Variants in TNRC18 observed in about 807,000 individuals in gnomAD.
TNRC18 encodes the protein trinucleotide repeat containing 18, also known as trinucleotide repeat-containing gene 18 protein.
TNRC18 carries 69 observed loss-of-function variants against 226.7 expected under a neutral mutation model. That is an observed-to-expected ratio of 0.30 (90% CI 0.25 to 0.37). The LOEUF (loss-of-function observed/expected upper bound fraction) is 0.37, where lower values mean the gene tolerates loss of function less well. Ranked by LOEUF, TNRC18 falls within the 10% of genes least tolerant of loss-of-function variation. The pLI is 1.00. For synonymous variants in TNRC18, 2,449 were observed against 1,927.6 expected, an observed-to-expected ratio of 1.27 and a Z score of -7.09; for missense variants, 4,754 against 4,256.6, an observed-to-expected ratio of 1.12 and a Z score of -3.25.
intron 2 of TNRC18, among the ~76,000 whole-genome samples, chr7:5,418,857 G>A (rs1782355857): frequency 6.6e-6 from 1 of 152,202 alleles, no homozygotes; most frequent in African/African-American, 2.4e-5. Context: ...CCACCTCGTG[G>A]CTAATGGGAT....
intron 18 of TNRC18, among the ~76,000 whole-genome samples, chr7:5,334,803 T>C (rs1242012118): frequency 6.6e-6 from 1 of 151,988 alleles, no homozygotes; most frequent in African/African-American, 2.4e-5. Context: ...GGAGGGACAG[T>C]AGACAGAGAG....
chr7:5,336,213 A>G (rs1790108294), intron 18 of TNRC18, among the ~76,000 whole-genome samples: 1 of 151,694 alleles, frequency 6.6e-6, no homozygotes, highest in African/African-American at 2.4e-5. Flanking sequence ...TTTTAAAAAA[A>G]AAAAAAAAAA....
intron 18 of TNRC18, among the ~76,000 whole-genome samples, chr7:5,338,702 C>T (rs1472084215): frequency 9.9e-5 from 15 of 151,206 alleles, no homozygotes; most frequent in African/African-American, 3.4e-4. Flanking sequence ...AGGCAGATCA[C>T]GTGAGGTCGG....
Position 5,332,650 on chromosome 7 carries a change from C to A in TNRC18, c.6119G>T (p.Arg2040Leu), listed in dbSNP as rs1480677882. ...CCTGGGGTCCTTCCTGTCCTTTGCA[C>A]GCCCGGCGTCCTTGCGCGGGCTCAG... ...GPLSPRKDAG[R>L]AKDRKDPRKK... Residue 2040 changes from arginine to leucine, a missense_variant, in exon 19 of 30, where the codon CGT (arginine) becomes CTT (leucine). By Grantham distance (102) the Arg-to-Leu change is moderately radical. Transcript: ENST00000430969. 5 of 1,530,808 alleles carry A rather than the reference C, an allele frequency of 3.3e-6. No homozygotes were observed. Among genetic ancestry groups the A allele is most frequent in the Non-Finnish European group, 3.5e-6 (4 of 1,141,118 alleles). The allele number at this position is 1,530,808 out of a possible 1,614,324, so 94.8% of individuals were successfully genotyped here.
chr7:5,324,434 C>G lies in TNRC18; in HGVS notation c.6301-79G>C. On this transcript the variant is annotated intron_variant, in intron 20 of 29. Coordinates refer to ENST00000430969, the MANE Select transcript of TNRC18 (RefSeq NM_001080495.3). The surrounding 1 kb of genome is among the most constrained non-coding windows in gnomAD (Gnocchi z 4.8). ...CGGGTTGGGGACCCTCTCTGGAAAC[C>G]TGGAGCCACAGTCAGGCCGCAGGGG... The G allele has an allele frequency of 2.6e-6, 4 of 1,561,028 alleles. No homozygotes were observed. The highest frequency in any genetic ancestry group is 2.3e-5 in the South Asian group (2 of 86,982).
Position 5,307,275 on chromosome 7 carries a change from TTA to T in TNRC18, c.*829_*830del, listed in dbSNP as rs1439767933. On this transcript the variant is annotated 3_prime_UTR_variant, in exon 30 of 30. Coordinates refer to ENST00000430969, the MANE Select transcript of TNRC18 (RefSeq NM_001080495.3). ...AGTTTATATATATATTTATATATAT[TTA>T]TCTTTATATATATAATTAAAAAGTT... 6.7e-6 allele frequency: 1 copy of T among 149,416 alleles called. No homozygotes were observed. Among genetic ancestry groups the T allele is most frequent in the African/African-American group, 2.4e-5 (1 of 41,020 alleles). 9.3% of individuals were successfully genotyped at this position (149,416 alleles called of 1,614,324 possible).
intron 18 of TNRC18, among the ~76,000 whole-genome samples, chr7:5,335,597 T>C (rs1583816389): frequency 1.8e-5 from 2 of 111,230 alleles, no homozygotes; most frequent in Admixed American, 1.0e-4. Context: ...AGAGTGAGAC[T>C]CCGTCTAGAA....
In TNRC18 at chr7:5,307,777, A is replaced by C. The variant is rs1236715910; in HGVS notation, c.*329T>G. The C allele has an allele frequency of 7.5e-6, 3 of 399,632 alleles. 1 individual carries two copies. Among genetic ancestry groups the C allele is most frequent in the Non-Finnish European group, 1.4e-5 (3 of 210,410 alleles). 24.8% of individuals were successfully genotyped at this position (399,632 alleles called of 1,614,324 possible). A position where few individuals can be genotyped will look rare whatever the true frequency, so the allele number is the denominator to read the frequency against. ...CCTGGGGGCACCCGGGCCCCCACGC[A>C]GCAGCAGCCTGGAGGGCCGGCCTGG... On this transcript the variant is annotated 3_prime_UTR_variant, in exon 30 of 30. Transcript: ENST00000430969.
At position 5,308,219 on chromosome 7, in the gene TNRC18, T is replaced by G. The variant is rs752417494; in HGVS notation, c.8794A>C (p.Met2932Leu). The part of the protein sequence containing the change: ...LVVGLEQYEQ[M>L]LKTKKYQDSE... ...TCCTGGTACTTCTTGGTCTTCAGCATCTGCTCATACTGCTCCAGGCCCACC... is the reference window on the plus strand; with the variant it reads ...TCCTGGTACTTCTTGGTCTTCAGCAGCTGCTCATACTGCTCCAGGCCCACC... Residue 2932 changes from methionine (M) to leucine (L), a missense_variant, in exon 30 of 30, where the codon ATG (methionine) becomes CTG (leucine). Transcript: ENST00000430969. The G allele has an allele frequency of 6.2e-7, 1 of 1,612,092 alleles. No individual in the cohort carries two copies. Among genetic ancestry groups the G allele is most frequent in the East Asian group, 2.2e-5 (1 of 44,844 alleles).
At chr7:5,387,346 A>G (rs1337300361) in intron 5 of TNRC18, among the ~76,000 whole-genome samples, 1 of 152,174 alleles carries the variant, frequency 6.6e-6, no homozygotes, top group Non-Finnish European at 1.5e-5. Flanking sequence ...GATGACTTCA[A>G]ATTGAAGGTT....
At position 5,399,396 on chromosome 7, in the gene TNRC18, G is replaced by C. The variant is rs189522757; in HGVS notation, c.188-4801C>G. On this transcript the variant is annotated intron_variant, in intron 2 of 29. Transcript: ENST00000430969. ...TATTATCTCACCCGACACCTTAGAA[G>C]CTAAGACCAATGACCGTCAAAACCT... 3.6e-3 allele frequency among the ~76,000 whole-genome samples: 544 copies of C among 152,302 alleles called. 9 individuals are homozygous for C. Among genetic ancestry groups the C allele is most frequent in the African/African-American group, 0.012 (513 of 41,564 alleles).
chr7:5,385,444 C>A (rs1343492687), intron 5 of TNRC18, among the ~76,000 whole-genome samples: 5 of 137,134 alleles, frequency 3.6e-5, no homozygotes, highest in African/African-American at 5.4e-5. Context: ...GCCGAGATTG[C>A]GCCACTGCAG....
At position 5,371,303 on chromosome 7, in the gene TNRC18, G is replaced by C. The variant is rs753976553; in HGVS notation, c.3291C>G (p.Phe1097Leu). The change falls in exon 11 of 30, where the codon TTC becomes TTG. Residue 1097 changes from phenylalanine to leucine, a missense_variant. Transcript: ENST00000430969. ...LPPHYGRPYP[F>L]LLQPTAAADA... is the part of the protein sequence containing the mutation. ...CGGCGGCGGCCGTGGGCTGCAGCAG[G>C]AAAGGGTAGGGCCTCCCGTAGTGCG... The C allele has an allele frequency of 1.3e-6, 2 of 1,566,410 alleles. No homozygotes were observed. Among genetic ancestry groups the C allele is most frequent in the Middle Eastern group, 1.7e-4 (1 of 5,876 alleles).
chr7:5,350,872 C>T (rs1202807323), intron 17 of TNRC18, among the ~76,000 whole-genome samples: 2 of 152,186 alleles, frequency 1.3e-5, no homozygotes, highest in African/African-American at 2.4e-5. Context: ...GCAACGGAGC[C>T]GCTTTCGTAT....
At position 5,374,152 on chromosome 7, in the gene TNRC18, A is replaced by C. The variant is rs746907000; in HGVS notation, c.3132T>G (p.Gly1044=). 74 of 1,178,438 alleles carry C rather than the reference A, an allele frequency of 6.3e-5. No individual in the cohort carries two copies. The highest frequency in any genetic ancestry group is 3.4e-5 in the Non-Finnish European group (32 of 939,826). The allele number at this position is 1,178,438 out of a possible 1,614,324, so 73.0% of individuals were successfully genotyped here. A position where few individuals can be genotyped will look rare whatever the true frequency, so the allele number is the denominator to read the frequency against. The change falls in exon 10 of 30, where the codon GGT becomes GGG. Residue 1044 remains glycine, a synonymous_variant. Coordinates refer to ENST00000430969, the MANE Select transcript of TNRC18 (RefSeq NM_001080495.3). ...PPPASPPPTP[G]ITRKEEAPEN... Reference sequence around the variant, plus strand: ...CGGGAGCCTCCTCCTTGCGGGTGATACCCGGGGTGGGCGGTGGGGAGGCGG... The same window carrying C: ...CGGGAGCCTCCTCCTTGCGGGTGATCCCCGGGGTGGGCGGTGGGGAGGCGG...
chr7:5,355,229 T>C (rs1197691375), intron 16 of TNRC18, among the ~76,000 whole-genome samples: 1 of 152,258 alleles, frequency 6.6e-6, no homozygotes, highest in East Asian at 1.9e-4. Flanking sequence ...CAGCAGGTTC[T>C]GGGCCACAAG....
chr7:5,399,749 G>A (rs2077214838), intron 2 of TNRC18, among the ~76,000 whole-genome samples: 1 of 152,124 alleles, frequency 6.6e-6, no homozygotes, highest in South Asian at 2.1e-4. Flanking sequence ...CCGGCACGAT[G>A]GCTCACACCT....
intron 2 of TNRC18, among the ~76,000 whole-genome samples, chr7:5,410,005 AT>A (rs943391769): frequency 1.4e-4 from 21 of 148,240 alleles, no homozygotes; most frequent in Middle Eastern, 3.5e-3. Flanking sequence ...AAAAAAAAAA[AT>A]TTTTTTTTAA....
intron 2 of TNRC18, among the ~76,000 whole-genome samples, chr7:5,410,919 G>C (rs1222108381): frequency 6.8e-6 from 1 of 147,998 alleles, no homozygotes; most frequent in Non-Finnish European, 1.5e-5. Flanking sequence ...GAAAAGAAAG[G>C]AGAAGGCTGG....
Sources: gnomAD v4.1 joint callset for allele counts (sites outside exome capture counted in the v4.1 genomes callset) on GRCh38, gnomAD v4.1.1 for gene constraint, Gnocchi (gnomAD v3.1) non-coding constraint, MANE v1.5 for transcripts, NCBI Gene and HGNC (gene_info 2026-07-23, HGNC 2026-07-21) for gene names.